The following ARHGAP32 variants were observed in gnomAD, a reference collection of about 807,000 sequenced individuals.
ARHGAP32 encodes rho GTPase-activating protein 32.
Under a neutral mutation model 186.5 loss-of-function variants are expected in ARHGAP32, and 51 were observed. That is an observed-to-expected ratio of 0.27 (90% CI 0.22 to 0.35). The LOEUF (loss-of-function observed/expected upper bound fraction) is 0.35. ARHGAP32 is among the 10% of genes least tolerant of loss of function. The probability of loss-of-function intolerance (pLI) is 1.00; values close to 1 mark genes in which losing one functional copy is unlikely to be tolerated. For synonymous variants in ARHGAP32, 950 were observed against 964.3 expected (o/e 0.99, Z 0.27); for missense variants, 2,186 against 2,623.5 (o/e 0.83, Z 3.64).
At chr11:129,214,767 G>A (rs1591700906) in intron 1 of ARHGAP32, among the ~76,000 whole-genome samples, 1 of 152,196 alleles carries the variant, frequency 6.6e-6, no homozygotes, top group South Asian at 2.1e-4. Flanking sequence ...AGAGCACTAG[G>A]TACGGTCAGC....
intron 6 of ARHGAP32, among the ~76,000 whole-genome samples, chr11:129,086,745 C>T (rs917536589): frequency 1.2e-4 from 17 of 147,726 alleles, no homozygotes; most frequent in Non-Finnish European, 2.2e-4. Context: ...GGCGTGAACC[C>T]GGGAGGCAGA....
intron 12 of ARHGAP32, among the ~76,000 whole-genome samples, chr11:128,988,575 G>A (rs1945946891): frequency 1.3e-5 from 2 of 152,170 alleles, no homozygotes; most frequent in Non-Finnish European, 2.9e-5. Flanking sequence ...TTACTTGTAA[G>A]TGCTACAAAG....
chr11:129,039,141 T>C (rs546616514), intron 11 of ARHGAP32, among the ~76,000 whole-genome samples: 2 of 152,174 alleles, frequency 1.3e-5, no homozygotes, highest in African/African-American at 2.4e-5. Flanking sequence ...ACACTGCTGG[T>C]GGAACTGCAA....
chr11:129,267,289 G>T (rs1434576741), intron 1 of ARHGAP32, among the ~76,000 whole-genome samples: 1 of 152,108 alleles, frequency 6.6e-6, no homozygotes, highest in Non-Finnish European at 1.5e-5. Flanking sequence ...ACTTGAACCT[G>T]GGAGGCGGAG....
chr11:128,975,629 T>C (rs1945521566), intron 20 of ARHGAP32, among the ~76,000 whole-genome samples: 3 of 152,062 alleles, frequency 2.0e-5, no homozygotes, highest in South Asian at 4.2e-4. Flanking sequence ...TGGCAGAGAG[T>C]ATTACATAAT....
At chr11:128,975,832 T>A (rs1210568631) in intron 20 of ARHGAP32, among the ~76,000 whole-genome samples, 2 of 152,166 alleles carry the variant, frequency 1.3e-5, no homozygotes, top group African/African-American at 2.4e-5. Flanking sequence ...GCAGATCACC[T>A]GAGGTCAGGA....
At chr11:129,061,756 T>A (rs1940512454) in intron 10 of ARHGAP32, among the ~76,000 whole-genome samples, 1 of 152,226 alleles carries the variant, frequency 6.6e-6, no homozygotes, top group Non-Finnish European at 1.5e-5. Context: ...ATCCATTTAA[T>A]GTTTTCGAAC....
upstream of ARHGAP32, chr11:129,192,331 T>C: frequency 1.5e-6 from 1 of 668,560 alleles, no homozygotes; most frequent in Non-Finnish European, 2.6e-6. Flanking sequence ...CTGGTGCTGG[T>C]TTAATTACAG....
chr11:129,168,182 G>A (rs1943677998), intron 1 of ARHGAP32, among the ~76,000 whole-genome samples: 1 of 152,132 alleles, frequency 6.6e-6, no homozygotes. Context: ...GGATGTCGAG[G>A]CTGCAGTGAG....
At chr11:128,979,729 A>C (rs189112838) in intron 18 of ARHGAP32, among the ~76,000 whole-genome samples, 4 of 152,334 alleles carry the variant, frequency 2.6e-5, no homozygotes, top group African/African-American at 7.2e-5. Flanking sequence ...GGGAAGAACA[A>C]ATTCTAAAGT....
At chr11:129,218,857 A>G (rs185868289) in intron 1 of ARHGAP32, among the ~76,000 whole-genome samples, 77 of 152,312 alleles carry the variant, frequency 5.1e-4, no homozygotes, top group Non-Finnish European at 1.0e-4. Context: ...ACTCTGACAC[A>G]TTTGTCAAGT....
chr11:129,054,198 G>A (rs1940162989), intron 10 of ARHGAP32, among the ~76,000 whole-genome samples: 1 of 151,402 alleles, frequency 6.6e-6, no homozygotes, highest in South Asian at 2.1e-4. Flanking sequence ...AAGAGAACAT[G>A]GGGTATATAA....
chr11:129,240,488 G>A (rs1187269503), intron 1 of ARHGAP32, among the ~76,000 whole-genome samples: 2 of 151,290 alleles, frequency 1.3e-5, no homozygotes, highest in Admixed American at 6.6e-5. Context: ...GCTTTCCCTA[G>A]GTCTTCAATA....
At position 128,974,214 on chromosome 11, in the gene ARHGAP32, C is replaced by T; in HGVS notation, c.2983G>A (p.Ala995Thr). 6.2e-7 allele frequency: 1 copy of T among 1,614,212 alleles called. No homozygotes were observed. The highest frequency in any genetic ancestry group is 8.5e-7 in the Non-Finnish European group (1 of 1,180,046). Residue 995 changes from alanine (A) to threonine (T), a missense_variant, in exon 21 of 23, where the codon GCT (alanine) becomes ACT (threonine). Physicochemically the swap from Ala to Thr is moderately conservative, Grantham distance 58. Around this residue, in one of 5 missense-constraint regions of ARHGAP32, gnomAD observed 1,502 missense variants for 1,570.0 expected, o/e 0.96. Transcript: ENST00000682385. Reference protein sequence around the residue: ...ESEVQPLDQVAAEEVELPGKE... With the variant: ...ESEVQPLDQVTAEEVELPGKE... ...CCTGGCAATTCTACTTCTTCAGCAG[C>T]CACCTGGTCCAGGGGCTGGACTTCA...
intron 5 of ARHGAP32, among the ~76,000 whole-genome samples, chr11:129,115,471 CT>C (rs1942342477): frequency 6.6e-6 from 1 of 152,096 alleles, no homozygotes; most frequent in South Asian, 2.1e-4. Flanking sequence ...AGCTGAGTAT[CT>C]GATAAAGTAA....
intron 2 of ARHGAP32, among the ~76,000 whole-genome samples, chr11:129,144,680 C>A (rs761787992): frequency 5.3e-5 from 8 of 152,066 alleles, no homozygotes; most frequent in Non-Finnish European, 1.2e-4. Flanking sequence ...ATCAAATAAG[C>A]CCCAAGGGTA....
chr11:129,200,843 C>T (rs1944447826), intron 1 of ARHGAP32, among the ~76,000 whole-genome samples: 1 of 151,946 alleles, frequency 6.6e-6, no homozygotes, highest in African/African-American at 2.4e-5. Context: ...AAAATGTTTT[C>T]ATTACTGTGA....
chr11:129,191,258 G>C (rs1345403789), intron 1 of ARHGAP32, among the ~76,000 whole-genome samples: 1 of 151,948 alleles, frequency 6.6e-6, no homozygotes, highest in Non-Finnish European at 1.5e-5. Context: ...ATAATATGCA[G>C]CAACAAACTT....
chr11:129,139,834 A>G (rs1943014043), intron 2 of ARHGAP32, among the ~76,000 whole-genome samples: 1 of 152,144 alleles, frequency 6.6e-6, no homozygotes. Context: ...TAATATATCA[A>G]TGTTATCACG....
Sources: gnomAD v4.1 joint callset for allele counts (sites outside exome capture counted in the v4.1 genomes callset) on GRCh38, gnomAD v4.1.1 for gene constraint, gnomAD v4.1.1 regional missense constraint, MANE v1.5 for transcripts, NCBI Gene and HGNC (gene_info 2026-07-23, HGNC 2026-07-21) for gene names.